Variants in SAMD5 observed in about 807,000 individuals in gnomAD.
The protein encoded by SAMD5 is sterile alpha motif domain containing 5, also known as sterile alpha motif domain-containing protein 5.
Under a neutral mutation model 11.3 loss-of-function variants are expected in SAMD5, and 13 were observed. That is an observed-to-expected ratio of 1.15 (90% confidence interval 0.75 to 1.83). The LOEUF (loss-of-function observed/expected upper bound fraction) is 1.83, where lower values mean the gene tolerates loss of function less well. SAMD5 is among the 40% of genes most tolerant of loss of function. The pLI, the probability that SAMD5 is intolerant of heterozygous loss-of-function variation, is 0.00. For missense variants in SAMD5, 255 were observed against 239.1 expected (o/e 1.07, Z -0.44); for synonymous variants, 129 against 111.3 (o/e 1.16, Z -1.00).
the SAMD5 span, among the ~76,000 whole-genome samples, chr6:147,771,047 G>A: frequency 1.3e-5 from 2 of 152,088 alleles, no homozygotes; most frequent in African/African-American, 4.8e-5. Context: ...GCTCTTTTTT[G>A]GGAGGACATC....
the SAMD5 span, among the ~76,000 whole-genome samples, chr6:147,773,642 T>C: frequency 6.6e-6 from 1 of 152,216 alleles, no homozygotes; most frequent in African/African-American, 2.4e-5. Flanking sequence ...GCAAGCTCTT[T>C]AGTGCCTCTT....
At chr6:147,742,233 C>A (rs1419659655), downstream of SAMD5, among the ~76,000 whole-genome samples, 1 of 151,584 alleles carries the variant, frequency 6.6e-6, no homozygotes, top group African/African-American at 2.4e-5. Flanking sequence ...TGTGCATGTT[C>A]ACTAGTGTGT....
the SAMD5 span, among the ~76,000 whole-genome samples, chr6:147,754,568 G>A: frequency 6.6e-6 from 1 of 151,788 alleles, no homozygotes; most frequent in Non-Finnish European, 1.5e-5. Flanking sequence ...GAACTTGATG[G>A]GATCTTATTT....
At chr6:147,875,647 T>A in the SAMD5 span, among the ~76,000 whole-genome samples, 1 of 151,962 alleles carries the variant, frequency 6.6e-6, no homozygotes, top group Admixed American at 6.6e-5. Context: ...TCACAGCCAC[T>A]CCCCATCACT....
At chr6:147,531,515 A>G (rs1788429852) in intron 1 of SAMD5, among the ~76,000 whole-genome samples, 1 of 152,182 alleles carries the variant, frequency 6.6e-6, no homozygotes, top group Non-Finnish European at 1.5e-5. Flanking sequence ...AATGCCTGGT[A>G]CCTGGCGGGC....
the SAMD5 span, among the ~76,000 whole-genome samples, chr6:147,859,017 C>T: frequency 6.6e-6 from 1 of 152,104 alleles, no homozygotes; most frequent in Non-Finnish European, 1.5e-5. Context: ...AGATTGAAAC[C>T]TCAATGAGGG....
At chr6:147,807,346 G>T in the SAMD5 span, among the ~76,000 whole-genome samples, 1 of 151,980 alleles carries the variant, frequency 6.6e-6, no homozygotes, top group African/African-American at 2.4e-5. Flanking sequence ...CTCATGATCC[G>T]CCTGCCTTGG....
intron 1 of SAMD5, among the ~76,000 whole-genome samples, chr6:147,562,895 G>C (rs1389160411): frequency 6.6e-6 from 1 of 152,044 alleles, no homozygotes; most frequent in Non-Finnish European, 1.5e-5. Flanking sequence ...CTTCTCTATG[G>C]AATTTTCCCT....
chr6:147,604,974 G>A (rs1358499450), intron 1 of SAMD5, among the ~76,000 whole-genome samples: 1 of 152,202 alleles, frequency 6.6e-6, no homozygotes, highest in Admixed American at 6.5e-5. Flanking sequence ...ATTTATATAT[G>A]AGGGATAATC....
chr6:147,643,795 A>AGGAAGGAG (rs1554239609), intron 1 of SAMD5, among the ~76,000 whole-genome samples: 1 of 147,014 alleles, frequency 6.8e-6, no homozygotes, highest in South Asian at 2.2e-4. Flanking sequence ...GAAGGAAGGA[A>AGGAAGGAG]AGAGAGAGAG....
chr6:147,604,657 C>A (rs778122559), intron 1 of SAMD5, among the ~76,000 whole-genome samples: 1 of 152,164 alleles, frequency 6.6e-6, no homozygotes, highest in Non-Finnish European at 1.5e-5. Context: ...TGGAAGAATT[C>A]TTTTGATTCT....
At chr6:147,916,897 T>C in the SAMD5 span, among the ~76,000 whole-genome samples, 22 of 151,018 alleles carry the variant, frequency 1.5e-4, no homozygotes, top group Non-Finnish European at 2.7e-4. Context: ...CATCATTTTT[T>C]ATGGCTGCGT....
the SAMD5 span, among the ~76,000 whole-genome samples, chr6:147,843,078 G>A: frequency 6.6e-6 from 1 of 152,100 alleles, no homozygotes; most frequent in Non-Finnish European, 1.5e-5. Context: ...TAGCCAGGCT[G>A]GTCTTGAACT....
chr6:147,579,215 G>A (rs1329372188), intron 1 of SAMD5, among the ~76,000 whole-genome samples: 1 of 152,202 alleles, frequency 6.6e-6, no homozygotes, highest in Non-Finnish European at 1.5e-5. Context: ...TCAAAACAGA[G>A]TGGCACCAGT....
intron 1 of SAMD5, among the ~76,000 whole-genome samples, chr6:147,646,311 G>A (rs1790400533): frequency 1.3e-5 from 2 of 152,102 alleles, no homozygotes; most frequent in African/African-American, 4.8e-5. Flanking sequence ...GGGCGACAGA[G>A]TGAGGCCCTA....
intron 1 of SAMD5, among the ~76,000 whole-genome samples, chr6:147,561,408 G>A (rs966024059): frequency 4.6e-5 from 7 of 152,088 alleles, no homozygotes; most frequent in African/African-American, 4.8e-5. Context: ...GGATGGTCTC[G>A]ATCTCCTAAC....
chr6:147,528,256 C>T (rs1468195087), intron 1 of SAMD5, among the ~76,000 whole-genome samples: 1 of 152,174 alleles, frequency 6.6e-6, no homozygotes, highest in African/African-American at 2.4e-5. Context: ...TATGCCTGCC[C>T]TAATAAAATA....
At chr6:147,510,326 G>T (rs1788069070) in intron 1 of SAMD5, among the ~76,000 whole-genome samples, 1 of 152,212 alleles carries the variant, frequency 6.6e-6, no homozygotes, top group Admixed American at 6.5e-5. Context: ...GTTCCGTTTA[G>T]GTTTCTAGTT....
the SAMD5 span, among the ~76,000 whole-genome samples, chr6:147,785,427 T>C: frequency 1.3e-5 from 2 of 152,152 alleles, no homozygotes; most frequent in Non-Finnish European, 2.9e-5. Context: ...TTACTGGGTT[T>C]TTGACATTCA....
Sources: gnomAD v4.1 joint callset for allele counts (sites outside exome capture counted in the v4.1 genomes callset) on GRCh38, gnomAD v4.1.1 for gene constraint, MANE v1.5 for transcripts, NCBI Gene and HGNC (gene_info 2026-07-23, HGNC 2026-07-21) for gene names.